RNGTT: variants seen among roughly 807,000 people sequenced by gnomAD.
RNGTT encodes mRNA-capping enzyme.
In RNGTT, 33 loss-of-function variants were observed where a neutral mutation model predicts 79.3. That is an observed-to-expected ratio of 0.42 (90% CI 0.32 to 0.56). RNGTT has a LOEUF of 0.56. Ranked by LOEUF, RNGTT falls within the 20% of genes least tolerant of loss-of-function variation. The pLI, the probability that RNGTT is intolerant of heterozygous loss-of-function variation, is 0.17. For synonymous variants in RNGTT, 222 were observed against 235.9 expected, an observed-to-expected ratio of 0.94 and a Z score of 0.54; for missense variants, 497 against 739.1, an observed-to-expected ratio of 0.67 and a Z score of 3.80.
At chr6:88,779,763 C>A (rs567824118) in intron 12 of RNGTT, among the ~76,000 whole-genome samples, 1 of 152,106 alleles carries the variant, frequency 6.6e-6, no homozygotes, top group Admixed American at 6.5e-5. Context: ...GAAGCCAAGG[C>A]GGGCAGATCA....
intron 13 of RNGTT, among the ~76,000 whole-genome samples, chr6:88,696,550 T>A (rs1432086050): frequency 6.6e-6 from 1 of 151,928 alleles, no homozygotes; most frequent in African/African-American, 2.4e-5. Context: ...ATCATATTCA[T>A]AAATTCTCAT....
At chr6:88,800,417 C>T (rs1779746696) in intron 12 of RNGTT, among the ~76,000 whole-genome samples, 1 of 152,140 alleles carries the variant, frequency 6.6e-6, no homozygotes, top group Admixed American at 6.5e-5. Flanking sequence ...GTATTTAATA[C>T]ACTGTGTTCA....
chr6:88,690,758 G>A (rs1042040952), intron 13 of RNGTT, among the ~76,000 whole-genome samples: 27 of 152,054 alleles, frequency 1.8e-4, no homozygotes, highest in African/African-American at 5.3e-4. Flanking sequence ...AGATCATTTA[G>A]AGACTGAAAG....
intron 13 of RNGTT, among the ~76,000 whole-genome samples, chr6:88,755,186 T>A (rs193202634): frequency 6.6e-6 from 1 of 152,092 alleles, no homozygotes; most frequent in Admixed American, 6.6e-5. Flanking sequence ...ACGTTAGCAG[T>A]TAGGCAAAAA....
chr6:88,681,873 A>C (rs1300579570), intron 13 of RNGTT, among the ~76,000 whole-genome samples: 1 of 152,164 alleles, frequency 6.6e-6, no homozygotes, highest in Non-Finnish European at 1.5e-5. Flanking sequence ...GTGGCTACCA[A>C]AGAGGATGTT....
At chr6:88,915,094 T>C (rs897160678) in intron 4 of RNGTT, among the ~76,000 whole-genome samples, 6 of 152,122 alleles carry the variant, frequency 3.9e-5, no homozygotes, top group Non-Finnish European at 2.9e-5. Context: ...TCAGAATGGT[T>C]ATTACTAAAA....
At chr6:88,674,768 C>T (rs186474502) in intron 14 of RNGTT, among the ~76,000 whole-genome samples, 1 of 151,692 alleles carries the variant, frequency 6.6e-6, no homozygotes, top group Non-Finnish European at 1.5e-5. Flanking sequence ...AATCAGAAAA[C>T]TATGTAACAA....
At chr6:88,915,532 C>T (rs764742421) in intron 4 of RNGTT, among the ~76,000 whole-genome samples, 5 of 152,184 alleles carry the variant, frequency 3.3e-5, no homozygotes, top group Non-Finnish European at 7.3e-5. Flanking sequence ...AACCACCTAT[C>T]ACATGTTCTC....
intron 11 of RNGTT, among the ~76,000 whole-genome samples, chr6:88,827,634 TC>T (rs1220698765): frequency 4.6e-5 from 7 of 152,124 alleles, no homozygotes; most frequent in Admixed American, 1.3e-4. Context: ...CAAACTAAGA[TC>T]CACTGGCTTG....
intron 13 of RNGTT, among the ~76,000 whole-genome samples, chr6:88,745,895 GC>G (rs1777644553): frequency 6.6e-6 from 1 of 151,970 alleles, no homozygotes; most frequent in Non-Finnish European, 1.5e-5. Context: ...TCAATTTACT[GC>G]CTCTTATTTC....
At chr6:88,938,610 TTC>T (rs773104195) in intron 2 of RNGTT, among the ~76,000 whole-genome samples, 9 of 152,220 alleles carry the variant, frequency 5.9e-5, no homozygotes, top group Non-Finnish European at 7.3e-5. Flanking sequence ...TGTCCTTTCT[TTC>T]TCTCTTATTG....
chr6:88,819,303 G>C (rs752723455), intron 11 of RNGTT, among the ~76,000 whole-genome samples: 1 of 152,092 alleles, frequency 6.6e-6, no homozygotes, highest in Non-Finnish European at 1.5e-5. Context: ...AGTAGAAATA[G>C]TCTGTTACAC....
rs1174143201 is a variant in RNGTT at position 88,951,481 on chromosome 6, G to A, written c.65-10301C>T. On this transcript the variant is annotated intron_variant, in intron 1 of 15. Transcript: ENST00000369485. ...CTTTCATGAAGAGTCAATCTATGTA[G>A]CAAACTTCATTGCTCTCTGATTTCA... Among the ~76,000 whole-genome samples, 5 of 152,236 alleles carry A rather than the reference G, an allele frequency of 3.3e-5. No homozygotes were observed. In the South Asian group the frequency reaches 1.0e-3, roughly 32 times the overall value.
chr6:88,667,258 G>C (rs890640968), intron 14 of RNGTT, among the ~76,000 whole-genome samples: 3 of 152,210 alleles, frequency 2.0e-5, no homozygotes, highest in African/African-American at 7.2e-5. Flanking sequence ...GATGGATCTG[G>C]TTACCAGACA....
chr6:88,860,145 T>G lies in RNGTT; in HGVS notation c.897-6381A>C, dbSNP rs573332694. Among the ~76,000 whole-genome samples, 3 of 152,302 alleles carry G rather than the reference T, an allele frequency of 2.0e-5. No individual in the cohort carries two copies. In the South Asian group the frequency reaches 6.2e-4, roughly 32 times the overall value. On this transcript the variant is annotated intron_variant, in intron 8 of 15. Transcript: ENST00000369485. ...GTGACTACGACAGTAGTAACAATAA[T>G]TTTAGAGATAAATAGATAAACTCAA...
At chr6:88,836,300 CTCA>C (rs148320839) in intron 11 of RNGTT, among the ~76,000 whole-genome samples, 2,900 of 151,478 alleles carry the variant, frequency 0.019, 81 homozygotes, top group African/African-American at 0.066. Context: ...ATAATATTCT[CTCA>C]TGTCACTATA....
In RNGTT at chr6:88,611,487, AC is replaced by A; in HGVS notation, c.*1231del. On this transcript the variant is annotated 3_prime_UTR_variant, in exon 16 of 16. Coordinates refer to ENST00000369485, the MANE Select transcript of RNGTT (RefSeq NM_003800.5). The stretch of plus-strand genomic sequence containing the variant: ...GCTAATTCTCAGAGTTCTTTCACAA[AC>A]CAATTAGAACAGTTTATCAACAATG... 1 of 152,688 alleles carries A rather than the reference AC, an allele frequency of 6.5e-6. No individual in the cohort carries two copies. Among genetic ancestry groups the A allele is most frequent in the Admixed American group, 6.5e-5 (1 of 15,298 alleles). The allele number at this position is 152,688 out of a possible 1,614,324, so 9.5% of individuals were successfully genotyped here. A position where few individuals can be genotyped will look rare whatever the true frequency, so the allele number is the denominator to read the frequency against.
intron 13 of RNGTT, among the ~76,000 whole-genome samples, chr6:88,741,853 T>C (rs1483347906): frequency 1.3e-5 from 2 of 152,194 alleles, no homozygotes; most frequent in South Asian, 2.1e-4. Context: ...CATAAATATA[T>C]ACTAGCTTTA....
chr6:88,751,882 T>C (rs1777851996), intron 13 of RNGTT, among the ~76,000 whole-genome samples: 1 of 152,134 alleles, frequency 6.6e-6, no homozygotes, highest in African/African-American at 2.4e-5. Context: ...TCCACCACTA[T>C]ATGTATGTAG....
Sources: gnomAD v4.1 joint callset for allele counts (sites outside exome capture counted in the v4.1 genomes callset) on GRCh38, gnomAD v4.1.1 for gene constraint, MANE v1.5 for transcripts, NCBI Gene and HGNC (gene_info 2026-07-23, HGNC 2026-07-21) for gene names.